The following SUSD4 variants were observed in gnomAD, a reference collection of about 807,000 sequenced individuals.
The protein encoded by SUSD4 is sushi domain-containing protein 4.
In SUSD4, 41 loss-of-function variants were observed where a neutral mutation model predicts 50.5. The ratio of observed to expected loss-of-function variants is 0.81; its 90% confidence interval spans 0.63 to 1.05. The LOEUF (loss-of-function observed/expected upper bound fraction) is 1.05. Ranked by LOEUF, SUSD4 falls within the 50% of genes least tolerant of loss-of-function variation. The probability of loss-of-function intolerance (pLI) is 0.00; values close to 1 mark genes in which losing one functional copy is unlikely to be tolerated. For missense variants in SUSD4, 580 were observed against 634.7 expected (o/e 0.91, Z 0.93); for synonymous variants, 257 against 257.3 (o/e 1.00, Z 0.01).
In SUSD4 at chr1:223,223,608, C is replaced by A. The variant is rs1270141861; in HGVS notation, c.1085G>T (p.Ser362Ile). The A allele has an allele frequency of 6.2e-7, 1 of 1,608,832 alleles. No homozygotes were observed. The highest frequency in any genetic ancestry group is 8.5e-7 in the Non-Finnish European group (1 of 1,176,744). Reference protein sequence around the residue: ...PPRGPPRSSSSDPDFVVVDGV... With the variant: ...PPRGPPRSSSIDPDFVVVDGV... ...GTCTACCACCACAAAGTCAGGGTCA[C>A]TGCTGGAACTCCGGGGAGGCCCCCT... Residue 362 changes from serine (S) to isoleucine (I), a missense_variant, in exon 8 of 9, where the codon AGT (serine) becomes ATT (isoleucine). Coordinates refer to ENST00000366878, the MANE Select transcript of SUSD4 (RefSeq NM_017982.4).
At chr1:223,298,024 AAATG>A in intron 2 of SUSD4, among the ~76,000 whole-genome samples, 1 of 151,502 alleles carries the variant, frequency 6.6e-6, no homozygotes, top group Middle Eastern at 3.4e-3. Context: ...ATAGATGGAT[AAATG>A]GATGGATGGA....
rs1356880246 is a variant in SUSD4, at chr1:223,286,394, C to T, written c.361+6045G>A. On this transcript the variant is annotated intron_variant, in intron 3 of 8. Coordinates refer to ENST00000366878, the MANE Select transcript of SUSD4 (RefSeq NM_017982.4). Reference sequence around the variant, plus strand: ...CCTCCCAAAGTGCTGGGATTATAGGCGCGAGCCACCGCACCTGGCCAATTT... The same window carrying T: ...CCTCCCAAAGTGCTGGGATTATAGGTGCGAGCCACCGCACCTGGCCAATTT... Among the ~76,000 whole-genome samples, 4 of 152,186 alleles carry T rather than the reference C, an allele frequency of 2.6e-5. No individual in the cohort carries two copies. In the South Asian group the frequency reaches 6.2e-4, roughly 24 times the overall value.
At chr1:223,223,756 G>A in intron 7 of SUSD4, 125 bp from the exon 8 acceptor site, 6 of 1,188,320 alleles carry the variant, frequency 5.0e-6, no homozygotes, top group Non-Finnish European at 6.8e-6. Context: ...CCGTATGGAG[G>A]ATAATATGGA....
At chr1:223,271,380 C>T (rs555524973) in intron 3 of SUSD4, among the ~76,000 whole-genome samples, 132 of 152,262 alleles carry the variant, frequency 8.7e-4, no homozygotes, top group African/African-American at 3.0e-3. Flanking sequence ...GCTAAAGTTT[C>T]CCCAAACATG....
At chr1:223,258,101 C>T (rs551681497) in intron 5 of SUSD4, among the ~76,000 whole-genome samples, 2 of 152,258 alleles carry the variant, frequency 1.3e-5, no homozygotes, top group South Asian at 4.2e-4. Flanking sequence ...TTTCCTGTTC[C>T]CTACACAGGA....
At chr1:223,234,962 G>A in intron 5 of SUSD4, 1 of 1,585,392 alleles carries the variant, frequency 6.3e-7, no homozygotes. Flanking sequence ...TTAGAACAGA[G>A]ATGTGGTGGT....
chr1:223,340,555 C>G (rs1572096471), intron 2 of SUSD4, among the ~76,000 whole-genome samples: 1 of 152,224 alleles, frequency 6.6e-6, no homozygotes, highest in Admixed American at 6.5e-5. Context: ...GCTGTCAACA[C>G]GCAGTCCTTT....
intron 2 of SUSD4, among the ~76,000 whole-genome samples, chr1:223,293,261 A>G (rs1664611952): frequency 6.6e-6 from 1 of 152,078 alleles, no homozygotes; most frequent in South Asian, 2.1e-4. Context: ...TCACTCCTCA[A>G]GACCTATCCA....
intron 3 of SUSD4, among the ~76,000 whole-genome samples, chr1:223,275,178 AC>A (rs1389608275): frequency 6.6e-6 from 1 of 152,174 alleles, no homozygotes; most frequent in African/African-American, 2.4e-5. Context: ...GAACGACTAA[AC>A]ATATTGGGGG....
At chr1:223,328,352 G>C (rs1218654123) in intron 2 of SUSD4, among the ~76,000 whole-genome samples, 2 of 152,178 alleles carry the variant, frequency 1.3e-5, no homozygotes, top group East Asian at 3.9e-4. Context: ...CTCACAGTAG[G>C]TGGCAGAGCC....
chr1:223,243,765 T>C (rs937579678), intron 5 of SUSD4, among the ~76,000 whole-genome samples: 4 of 152,214 alleles, frequency 2.6e-5, no homozygotes, highest in African/African-American at 9.6e-5. Flanking sequence ...AAAGCAAGCC[T>C]GATGCACTAA....
chr1:223,266,761 GA>G (rs1216203059), intron 4 of SUSD4, among the ~76,000 whole-genome samples: 1 of 152,228 alleles, frequency 6.6e-6, no homozygotes, highest in East Asian at 1.9e-4. Context: ...CTTAGAGAAT[GA>G]AATGTCACTC....
chr1:223,354,037 A>T (rs540270332), intron 2 of SUSD4, among the ~76,000 whole-genome samples: 3 of 152,006 alleles, frequency 2.0e-5, no homozygotes, highest in African/African-American at 7.2e-5. Context: ...GTCTCAAGAA[A>T]AAAAAAAAAA....
At chr1:223,346,588 AATTTGGGACCCAGC>A (rs1447514784) in intron 2 of SUSD4, among the ~76,000 whole-genome samples, 1 of 152,122 alleles carries the variant, frequency 6.6e-6, no homozygotes, top group Non-Finnish European at 1.5e-5. Flanking sequence ...AGATGGCTTG[AATTTGGGACCCAGC>A]CCCACCACTT....
chr1:223,274,113 G>C (rs1010187084), intron 3 of SUSD4, among the ~76,000 whole-genome samples: 1 of 152,054 alleles, frequency 6.6e-6, no homozygotes, highest in African/African-American at 2.4e-5. Flanking sequence ...CATCCCTCAG[G>C]AGCACTGTTC....
intron 3 of SUSD4, 150 bp downstream of exon 3, chr1:223,292,289 T>C: frequency 2.6e-6 from 2 of 763,458 alleles, no homozygotes; most frequent in Non-Finnish European, 4.4e-6. Context: ...CAACCCTCAT[T>C]ACCCACTCCT....
rs953846870 is a variant in SUSD4 at position 223,289,413 on chromosome 1, T to G, written c.361+3026A>C. ...AAGTTGAATTGGAATAAGGGGGCCA[T>G]GTGAAAAGGGGGAATGGCTGTACAT... On this transcript the variant is annotated intron_variant, in intron 3 of 8. Coordinates refer to ENST00000366878, the MANE Select transcript of SUSD4 (RefSeq NM_017982.4). 20 of 544,618 alleles carry G rather than the reference T, an allele frequency of 3.7e-5. No individual in the cohort carries two copies. The African/African-American group carries it at 3.9e-4, about 11-fold the overall frequency. The allele number at this position is 544,618 out of a possible 1,614,324, so 33.7% of individuals were successfully genotyped here. A position where few individuals can be genotyped will look rare whatever the true frequency, so the allele number is the denominator to read the frequency against.
intron 4 of SUSD4, among the ~76,000 whole-genome samples, chr1:223,265,581 C>A (rs1401693015): frequency 1.3e-5 from 2 of 152,174 alleles, no homozygotes; most frequent in Non-Finnish European, 2.9e-5. Context: ...CACTCAGAAC[C>A]ACTGATGTCC....
At chr1:223,316,485 GGACA>G (rs1336376330) in intron 2 of SUSD4, among the ~76,000 whole-genome samples, 4 of 152,106 alleles carry the variant, frequency 2.6e-5, no homozygotes, top group Non-Finnish European at 4.4e-5. Flanking sequence ...AACAAAGCCA[GGACA>G]GACACCAAGC....
Sources: allele counts gnomAD v4.1 joint callset (sites outside exome capture counted in the v4.1 genomes callset), GRCh38; gene constraint gnomAD v4.1.1; transcripts MANE v1.5; gene names NCBI Gene and HGNC (gene_info 2026-07-23, HGNC 2026-07-21).